The following SLC2A14 variants were observed in gnomAD, a reference collection of about 807,000 sequenced individuals.
SLC2A14 encodes the protein solute carrier family 2, facilitated glucose transporter member 14.
A neutral mutation model predicts 43.0 loss-of-function variants in SLC2A14; 13 were observed. That is an observed-to-expected ratio of 0.30 (90% CI 0.20 to 0.48). The LOEUF (loss-of-function observed/expected upper bound fraction) is 0.48, where lower values mean the gene tolerates loss of function less well. SLC2A14 is among the 20% of genes least tolerant of loss of function. The pLI is 0.99. For synonymous variants in SLC2A14, 190 were observed against 233.8 expected, an observed-to-expected ratio of 0.81 and a Z score of 1.71; for missense variants, 428 against 620.4, an observed-to-expected ratio of 0.69 and a Z score of 3.29.
intron 2 of SLC2A14, among the ~76,000 whole-genome samples, chr12:7,837,457 T>C (rs905082296): frequency 6.6e-6 from 1 of 151,980 alleles, no homozygotes; most frequent in Non-Finnish European, 1.5e-5. Context: ...CTGACCAACA[T>C]GGAGAAACAA....
At chr12:7,862,682 C>T (rs1944647747) in intron 2 of SLC2A14, among the ~76,000 whole-genome samples, 1 of 152,130 alleles carries the variant, frequency 6.6e-6, no homozygotes, top group Non-Finnish European at 1.5e-5. Context: ...ACCTTTATGT[C>T]TAGCTCAGGG....
At chr12:7,874,532 C>T (rs934848894), upstream of SLC2A14, among the ~76,000 whole-genome samples, 9 of 151,276 alleles carry the variant, frequency 5.9e-5, 1 homozygote, top group Non-Finnish European at 1.3e-4. Context: ...ACTAGCCGGG[C>T]GTGGTGGCAT....
intron 8 of SLC2A14, among the ~76,000 whole-genome samples, chr12:7,820,229 C>T (rs1056733298): frequency 3.6e-5 from 5 of 137,036 alleles, no homozygotes; most frequent in Non-Finnish European, 6.2e-5. Flanking sequence ...CAGACCTCGC[C>T]CTGTGAATCT....
chr12:7,826,872 T>TTTTCCTTC (rs1864442044), intron 7 of SLC2A14, among the ~76,000 whole-genome samples: 1 of 64,236 alleles, frequency 1.6e-5, no homozygotes, highest in Non-Finnish European at 3.1e-5. Context: ...TTTCTTTCTT[T>TTTTCCTTC]CTTTCTTTCT....
In SLC2A14 at chr12:7,844,287, G is replaced by A. The variant is rs372953089; in HGVS notation, c.19-11473C>T. Reference sequence around the variant, plus strand: ...CTCAGATGTTTTTTCACTGAGCATCGTGTCTACGAGTACTATGTGGTGGTG... The same window carrying A: ...CTCAGATGTTTTTTCACTGAGCATCATGTCTACGAGTACTATGTGGTGGTG... On this transcript the variant is annotated intron_variant, in intron 2 of 10. Coordinates refer to ENST00000431042, the MANE Select transcript of SLC2A14 (RefSeq NM_001286234.2). Among the ~76,000 whole-genome samples the A allele has an allele frequency of 3.7e-4, 57 of 152,166 alleles. 1 individual carries two copies. The East Asian group carries it at 4.2e-3, about 11-fold the overall frequency.
In SLC2A14 at chr12:7,880,690, CAAAAAA is replaced by C. The variant is rs753621437; in HGVS notation, c.132+10300_132+10305del. Among the ~76,000 whole-genome samples the C allele has an allele frequency of 2.0e-3, 132 of 65,138 alleles. 1 individual carries two copies. Among genetic ancestry groups the C allele is most frequent in the African/African-American group, 5.5e-3 (107 of 19,376 alleles). The allele number at this position is 65,138 out of a possible 152,430, so 42.7% of individuals were successfully genotyped here. A position where few individuals can be genotyped will look rare whatever the true frequency, so the allele number is the denominator to read the frequency against. On this transcript the variant is annotated intron_variant, in intron 1 of 9. Transcript: ENST00000539924. ...AAAAATACAAACATTAGCTGGGTCT[CAAAAAA>C]AAAAAAAAAAAAAAAAAAGAGAGAA...
chr12:7,878,976 C>CAAAAAAAAA (rs58838986), intron 1 of SLC2A14, among the ~76,000 whole-genome samples: 1 of 69,330 alleles, frequency 1.4e-5, no homozygotes. Flanking sequence ...GAGTCCGTCT[C>CAAAAAAAAA]AAAAAAAAAA....
intron 2 of SLC2A14, among the ~76,000 whole-genome samples, chr12:7,842,975 G>A (rs969989963): frequency 7.2e-5 from 11 of 151,968 alleles, no homozygotes; most frequent in African/African-American, 2.4e-4. Context: ...TGATCCGCCC[G>A]CCTCAGCCTC....
At chr12:7,841,958 T>C (rs1207674306) in intron 2 of SLC2A14, among the ~76,000 whole-genome samples, 2 of 151,642 alleles carry the variant, frequency 1.3e-5, no homozygotes, top group African/African-American at 4.8e-5. Flanking sequence ...TGAGCCGAGA[T>C]TGCACCATTG....
intron 2 of SLC2A14, chr12:7,839,882 CT>C: frequency 4.5e-6 from 2 of 441,530 alleles, no homozygotes; most frequent in Admixed American, 2.5e-5. Flanking sequence ...TTATTTCCCC[CT>C]TTTGGACCAG....
chr12:7,850,552 C>T (rs1439095526), intron 2 of SLC2A14, among the ~76,000 whole-genome samples: 1 of 152,026 alleles, frequency 6.6e-6, no homozygotes, highest in Non-Finnish European at 1.5e-5. Flanking sequence ...TGCACCACCA[C>T]ACCCGGCTAA....
chr12:7,848,713 G>A (rs771135027), intron 2 of SLC2A14, among the ~76,000 whole-genome samples: 58 of 151,998 alleles, frequency 3.8e-4, no homozygotes, highest in African/African-American at 1.3e-3. Context: ...CCGCCACCAT[G>A]CCCGGCTAAT....
At chr12:7,881,839 A>G (rs1220770211) in intron 1 of SLC2A14, among the ~76,000 whole-genome samples, 3 of 152,172 alleles carry the variant, frequency 2.0e-5, no homozygotes, top group Admixed American at 6.5e-5. Flanking sequence ...AAACACACCA[A>G]TCAGCACCCT....
At position 7,826,883 on chromosome 12, in the gene SLC2A14, T is replaced by TTC. The variant is rs1156468658; in HGVS notation, c.864+610_864+611dup. ...CTTTTTTCTTTCTTTCTTTCTTTCT[T>TTC]TCTTTCTTTCTTTCTTTCTTTCTTT... On this transcript the variant is annotated intron_variant, in intron 7 of 10. Transcript: ENST00000431042. 5.2e-3 allele frequency among the ~76,000 whole-genome samples: 353 copies of TTC among 67,492 alleles called. 41 individuals carry two copies. The highest frequency in any genetic ancestry group is 7.8e-3 in the Non-Finnish European group (278 of 35,790). 44.3% of individuals were successfully genotyped at this position (67,492 alleles called of 152,430 possible). A position where few individuals can be genotyped will look rare whatever the true frequency, so the allele number is the denominator to read the frequency against.
rs762787459 is a variant in SLC2A14 at position 7,850,497 on chromosome 12, G to A, written c.19-17683C>T. ...TGCAACATCCGTCTCCTGGGTTCAAGCCATTCTCCTGCCTCAGCCTCCCAA... is the reference window on the plus strand; with the variant it reads ...TGCAACATCCGTCTCCTGGGTTCAAACCATTCTCCTGCCTCAGCCTCCCAA... On this transcript the variant is annotated intron_variant, in intron 2 of 10. Transcript: ENST00000431042. Among the ~76,000 whole-genome samples, 3 of 152,164 alleles carry A rather than the reference G, an allele frequency of 2.0e-5. No individual in the cohort carries two copies. The East Asian group carries it at 5.8e-4, about 29-fold the overall frequency.
At chr12:7,883,891 C>CT (rs1474046479) in intron 1 of SLC2A14, among the ~76,000 whole-genome samples, 8 of 150,216 alleles carry the variant, frequency 5.3e-5, no homozygotes, top group Admixed American at 4.0e-4. Context: ...CCCACAAATG[C>CT]TTTCTTAAAT....
chr12:7,876,593 G>A (rs996092283), upstream of SLC2A14, among the ~76,000 whole-genome samples: 9 of 152,080 alleles, frequency 5.9e-5, no homozygotes, highest in South Asian at 6.2e-4. Context: ...CCACTTCTGG[G>A]TATATATCCA....
upstream of SLC2A14, among the ~76,000 whole-genome samples, chr12:7,874,798 T>TG (rs1945395528): frequency 4.4e-5 from 2 of 45,236 alleles, no homozygotes; most frequent in South Asian, 2.3e-3. Flanking sequence ...AATATATAAA[T>TG]AATATATAAA....
intron 7 of SLC2A14, among the ~76,000 whole-genome samples, chr12:7,826,050 G>A (rs1347804744): frequency 4.0e-5 from 6 of 151,626 alleles, no homozygotes; most frequent in Non-Finnish European, 7.4e-5. Flanking sequence ...ACACTTGCAC[G>A]TAGCTGCCTC....
Sources: allele counts gnomAD v4.1 joint callset (sites outside exome capture counted in the v4.1 genomes callset), GRCh38; gene constraint gnomAD v4.1.1; transcripts MANE v1.5; gene names NCBI Gene and HGNC (gene_info 2026-07-23, HGNC 2026-07-21).